The following EPS15L1 variants were observed in gnomAD, a reference collection of about 807,000 sequenced individuals.
EPS15L1 encodes epidermal growth factor receptor pathway substrate 15 like 1, also known as epidermal growth factor receptor substrate 15-like 1.
EPS15L1 carries 43 observed loss-of-function variants against 117.1 expected under a neutral mutation model. That is an observed-to-expected ratio of 0.37 (90% confidence interval 0.29 to 0.47). The LOEUF (loss-of-function observed/expected upper bound fraction) is 0.47. Among genes scored for constraint, EPS15L1 ranks in the 20% least tolerant of loss-of-function variants. EPS15L1 has a pLI of 0.99. For synonymous variants in EPS15L1, 459 were observed against 470.5 expected (o/e 0.98, Z 0.32); for missense variants, 981 against 1,164.0 (o/e 0.84, Z 2.29).
intron 22 of EPS15L1, among the ~76,000 whole-genome samples, chr19:16,367,079 C>T (rs1388523847): frequency 6.6e-6 from 1 of 151,844 alleles, no homozygotes; most frequent in South Asian, 2.1e-4. Flanking sequence ...AAGGAGAGAG[C>T]TTTACTGACG....
chr19:16,464,961 C>T (rs1052141565), intron 1 of EPS15L1, among the ~76,000 whole-genome samples: 4 of 152,138 alleles, frequency 2.6e-5, no homozygotes, highest in Admixed American at 2.6e-4. Flanking sequence ...TGCCTGTAGT[C>T]CCAGCTACGC....
chr19:16,355,738 G>T lies in EPS15L1; in HGVS notation c.2700C>A (p.Ile900=). ...CAGGCATGTCAGCCTTGCTGAGCGC[G>T]ATGGCCAGTTCCAGGTCCTCCTGCT... is the stretch of plus-strand genomic sequence containing the variant. The part of the protein sequence containing the change: ...RQEQEDLELA[I]ALSKADMPAA Residue 900 remains isoleucine (I), a synonymous_variant, in exon 24 of 24, where the codon ATC becomes ATA. Transcript: ENST00000455140. 1 of 1,536,002 alleles carries T rather than the reference G, an allele frequency of 6.5e-7. No individual in the cohort carries two copies. The highest frequency in any genetic ancestry group is 8.7e-7 in the Non-Finnish European group (1 of 1,146,810).
intron 23 of EPS15L1, chr19:16,361,516 G>A: frequency 9.2e-7 from 1 of 1,085,974 alleles, no homozygotes; most frequent in East Asian, 4.1e-5. Flanking sequence ...CTACCGTGAA[G>A]GACAGATAGG....
intron 1 of EPS15L1, among the ~76,000 whole-genome samples, chr19:16,448,547 A>AGGGGG (rs56824066): frequency 3.4e-5 from 4 of 119,352 alleles, no homozygotes; most frequent in Non-Finnish European, 3.3e-5. Context: ...TTAAAAAAAA[A>AGGGGG]GGGGGGGGGA....
chr19:16,371,225 G>C lies in EPS15L1; in HGVS notation c.2380+5897C>G, dbSNP rs73021111. Among the ~76,000 whole-genome samples the C allele has an allele frequency of 6.6e-6, 1 of 152,160 alleles. No individual in the cohort carries two copies. Among genetic ancestry groups the C allele is most frequent in the African/African-American group, 2.4e-5 (1 of 41,416 alleles). ...GATGTTGGCCTGGCATTTCAGAGAA[G>C]TGGGAGAGCTGGCAGCACTTAGGAC... On this transcript the variant is annotated intron_variant, in intron 22 of 23. Coordinates refer to ENST00000455140, the MANE Select transcript of EPS15L1 (RefSeq NM_001258374.3). The surrounding 1 kb of genome is among the most constrained non-coding windows in gnomAD (Gnocchi z 4.7).
intron 22 of EPS15L1, among the ~76,000 whole-genome samples, chr19:16,374,262 A>G (rs931808535): frequency 1.3e-5 from 2 of 152,302 alleles, no homozygotes; most frequent in Admixed American, 1.3e-4. Flanking sequence ...ACCTAGTGAG[A>G]TAAGAACTGT....
At chr19:16,421,623 G>A in intron 9 of EPS15L1, 147 bp from the exon 10 acceptor site, 1 of 846,616 alleles carries the variant, frequency 1.2e-6, no homozygotes, top group Non-Finnish European at 1.8e-6. Context: ...GGGCAGATGT[G>A]ATCCTTGTTC....
At chr19:16,362,582 G>A (rs1423470577) in intron 22 of EPS15L1, among the ~76,000 whole-genome samples, 1 of 137,960 alleles carries the variant, frequency 7.2e-6, no homozygotes, top group Non-Finnish European at 1.5e-5. Flanking sequence ...GAAATGCAGT[G>A]GTGCAATCAT....
chr19:16,400,896 A>C (rs1273228095), intron 16 of EPS15L1: 2 of 985,316 alleles, frequency 2.0e-6, no homozygotes, highest in Admixed American at 1.2e-4. Flanking sequence ...AACCTGCAAA[A>C]GGGACATTTA....
Position 16,404,015 on chromosome 19 carries a change from C to T in EPS15L1, c.1429-85G>A. The stretch of plus-strand genomic sequence containing the variant: ...CGAGAAAGAACTCTTAGCCCCCATC[C>T]CCGAAACAAGCTAAGCCAGGGACGC... On this transcript the variant is annotated intron_variant, in intron 14 of 23. Coordinates refer to ENST00000455140, the MANE Select transcript of EPS15L1 (RefSeq NM_001258374.3). This position sits in a 1 kb window ranked among gnomAD's most constrained non-coding sequence, Gnocchi z 4.2. 1.5e-6 allele frequency: 2 copies of T among 1,315,226 alleles called. No individual in the cohort carries two copies. Among genetic ancestry groups the T allele is most frequent in the Non-Finnish European group, 2.1e-6 (2 of 943,902 alleles). The allele number at this position is 1,315,226 out of a possible 1,614,324, so 81.5% of individuals were successfully genotyped here.
intron 1 of EPS15L1, among the ~76,000 whole-genome samples, chr19:16,470,676 GC>G (rs2093340409): frequency 6.6e-6 from 1 of 152,070 alleles, no homozygotes; most frequent in African/African-American, 2.4e-5. Context: ...TTGCAAATTG[GC>G]TAGCTGTGCA....
chr19:16,355,343 G>GGTCAGGGTCTGTCTCTTATACACATCTGA lies in EPS15L1; in HGVS notation c.*361_*362insTCAGATGTGTATAAGAGACAGACCCTGAC. 4.0e-6 allele frequency: 1 copy of GGTCAGGGTCTGTCTCTTATACACATCTGA among 251,844 alleles called. No homozygotes were observed. The highest frequency in any genetic ancestry group is 7.5e-5 in the East Asian group (1 of 13,330). The allele number at this position is 251,844 out of a possible 1,614,324, so 15.6% of individuals were successfully genotyped here. On this transcript the variant is annotated 3_prime_UTR_variant, in exon 24 of 24. Transcript: ENST00000455140. ...GAGTGTCTGACTGATGCGTGGGAGG[G>GGTCAGGGTCTGTCTCTTATACACATCTGA]CGGGTGGGGATGTCTGCAGCTATGA...
At chr19:16,387,223 C>A (rs1270120862) in intron 19 of EPS15L1, among the ~76,000 whole-genome samples, 9 of 152,208 alleles carry the variant, frequency 5.9e-5, no homozygotes, top group Non-Finnish European at 8.8e-5. Flanking sequence ...ATAAAAACTT[C>A]ATCACCGGGG....
At chr19:16,456,548 T>C (rs1304733806) in intron 1 of EPS15L1, among the ~76,000 whole-genome samples, 1 of 151,904 alleles carries the variant, frequency 6.6e-6, no homozygotes, top group Non-Finnish European at 1.5e-5. Context: ...TCTCAGCTAC[T>C]TGGGAGGCTG....
chr19:16,425,672 A>C (rs1260119645), intron 8 of EPS15L1, among the ~76,000 whole-genome samples: 1 of 152,030 alleles, frequency 6.6e-6, no homozygotes. Flanking sequence ...GTACTTCAAG[A>C]CGTTCAGGAG....
chr19:16,432,165 G>A (rs2092934218), intron 7 of EPS15L1, among the ~76,000 whole-genome samples: 1 of 152,216 alleles, frequency 6.6e-6, no homozygotes, highest in Admixed American at 6.5e-5. Flanking sequence ...CAGGCACGGT[G>A]GCTCACGCTT....
intron 1 of EPS15L1, among the ~76,000 whole-genome samples, chr19:16,466,499 T>A (rs554299106): frequency 6.6e-6 from 1 of 152,196 alleles, no homozygotes; most frequent in African/African-American, 2.4e-5. Flanking sequence ...GTCAGCCCCG[T>A]GAGGCGGCAC....
intron 8 of EPS15L1, among the ~76,000 whole-genome samples, chr19:16,428,125 T>G (rs1245651968): frequency 1.4e-5 from 2 of 140,796 alleles, no homozygotes; most frequent in Non-Finnish European, 3.1e-5. Flanking sequence ...TGCTTGAACC[T>G]GGGAGGCGGA....
intron 22 of EPS15L1, among the ~76,000 whole-genome samples, chr19:16,366,958 T>C (rs1461994018): frequency 6.6e-6 from 1 of 152,140 alleles, no homozygotes; most frequent in African/African-American, 2.4e-5. Flanking sequence ...GTATAGCTTA[T>C]CTCAAACGTG....
Sources: gnomAD v4.1 joint callset for allele counts (sites outside exome capture counted in the v4.1 genomes callset) on GRCh38, gnomAD v4.1.1 for gene constraint, Gnocchi (gnomAD v3.1) non-coding constraint, MANE v1.5 for transcripts, NCBI Gene and HGNC (gene_info 2026-07-23, HGNC 2026-07-21) for gene names.